SEC24A: variants seen among roughly 807,000 people sequenced by gnomAD.
SEC24A encodes the protein protein transport protein Sec24A.
A neutral mutation model predicts 129.4 loss-of-function variants in SEC24A; 93 were observed. The observed-to-expected ratio is 0.72, with a 90% CI of 0.61 to 0.85. SEC24A has a LOEUF of 0.85. Ranked by LOEUF, SEC24A falls within the 40% of genes least tolerant of loss-of-function variation. The probability of loss-of-function intolerance (pLI) is 0.00; values close to 1 mark genes in which losing one functional copy is unlikely to be tolerated. For missense variants in SEC24A, 1,264 were observed against 1,307.4 expected, an observed-to-expected ratio of 0.97 and a Z score of 0.51; for synonymous variants, 460 against 467.3, an observed-to-expected ratio of 0.98 and a Z score of 0.20.
rs558226112 is a variant in SEC24A at position 134,656,886 on chromosome 5, A to G, written c.98-4233A>G. 4.0e-5 allele frequency among the ~76,000 whole-genome samples: 6 copies of G among 151,144 alleles called. No individual in the cohort carries two copies. The South Asian group carries it at 1.3e-3, about 32-fold the overall frequency. Reference sequence around the variant, plus strand: ...AGCCTTGAACTCCTGGGCTCAAGTAATCCTTGATCCTTGATCAAGTGGGTG... The same window carrying G: ...AGCCTTGAACTCCTGGGCTCAAGTAGTCCTTGATCCTTGATCAAGTGGGTG... On this transcript the variant is annotated intron_variant, in intron 1 of 22. Coordinates refer to ENST00000398844, the MANE Select transcript of SEC24A (RefSeq NM_021982.3).
chr5:134,664,989 G>C (rs1249994939), intron 2 of SEC24A, among the ~76,000 whole-genome samples: 1 of 150,744 alleles, frequency 6.6e-6, no homozygotes, highest in Non-Finnish European at 1.5e-5. Context: ...TAGTAGAAAC[G>C]GGGTTTCACC....
chr5:134,714,930 C>T (rs1752433505), intron 18 of SEC24A, 94 bp from the exon 19 acceptor site: 1 of 1,285,976 alleles, frequency 7.8e-7, no homozygotes, highest in Non-Finnish European at 1.1e-6. Context: ...TGAATTCTCT[C>T]TGAAAATATT....
At chr5:134,657,330 T>C (rs907149429) in intron 1 of SEC24A, among the ~76,000 whole-genome samples, 1 of 151,944 alleles carries the variant, frequency 6.6e-6, no homozygotes, top group African/African-American at 2.4e-5. Context: ...ATTGCAGGCA[T>C]GAGCCACCGT....
chr5:134,649,322 C>T, intron 1 of SEC24A, 149 bp downstream of exon 1: 4 of 520,514 alleles, frequency 7.7e-6, no homozygotes, highest in Non-Finnish European at 1.4e-5. Flanking sequence ...CAGGGGACCA[C>T]GGCAGTTGTG....
intron 3 of SEC24A, among the ~76,000 whole-genome samples, chr5:134,667,512 G>A (rs576592819): frequency 3.9e-4 from 59 of 151,852 alleles, no homozygotes; most frequent in Admixed American, 2.6e-3. Context: ...TTAGCCAGGC[G>A]TGGTGGCAAG....
chr5:134,649,552 G>A (rs142659153), intron 1 of SEC24A, among the ~76,000 whole-genome samples: 83 of 152,198 alleles, frequency 5.5e-4, no homozygotes, highest in African/African-American at 2.0e-3. Flanking sequence ...ATTCTTCTGG[G>A]TTCCGCAGGC....
chr5:134,655,532 C>G (rs940078535), intron 1 of SEC24A, among the ~76,000 whole-genome samples: 6 of 151,368 alleles, frequency 4.0e-5, no homozygotes, highest in African/African-American at 1.5e-4. Context: ...GCCTGTAATC[C>G]CAGCTACTCA....
At chr5:134,714,040 A>G (rs1752408420) in intron 18 of SEC24A, among the ~76,000 whole-genome samples, 1 of 151,726 alleles carries the variant, frequency 6.6e-6, no homozygotes, top group Non-Finnish European at 1.5e-5. Context: ...AGGCTCCGTC[A>G]CAAAAAAAAA....
chr5:134,678,710 T>C (rs970394470), intron 7 of SEC24A, among the ~76,000 whole-genome samples: 4 of 151,984 alleles, frequency 2.6e-5, no homozygotes, highest in South Asian at 4.1e-4. Context: ...GCCTCCTGAG[T>C]AGCTGGGATT....
At chr5:134,675,394 G>A (rs985430822) in intron 6 of SEC24A, among the ~76,000 whole-genome samples, 177 bp downstream of exon 6, 12 of 152,158 alleles carry the variant, frequency 7.9e-5, no homozygotes, top group Admixed American at 3.3e-4. Context: ...CCTACGTCAA[G>A]AAATAGGGAT....
chr5:134,708,106 G>A (rs770788606), intron 17 of SEC24A, among the ~76,000 whole-genome samples: 1 of 152,112 alleles, frequency 6.6e-6, no homozygotes, highest in Non-Finnish European at 1.5e-5. Context: ...TCCAGCCTGG[G>A]CGACAGAGCG....
chr5:134,672,881 A>G (rs1055571965), intron 4 of SEC24A, among the ~76,000 whole-genome samples: 1 of 151,552 alleles, frequency 6.6e-6, no homozygotes, highest in African/African-American at 2.4e-5. Flanking sequence ...GACTATAGGC[A>G]TATGGTACCA....
Position 134,682,429 on chromosome 5 carries a change from A to G in SEC24A, c.1438A>G (p.Arg480Gly). Residue 480 changes from arginine (R) to glycine (G), a missense_variant, in exon 9 of 23, where the codon AGA (arginine) becomes GGA (glycine). By Grantham distance (125) the Arg-to-Gly change is moderately radical. Transcript: ENST00000398844. The stretch of plus-strand genomic sequence containing the variant: ...CAGAGTTTATGGAGAACCTCACAGA[A>G]GACCAGAAGTTCAAAATGCTACTAT... ...LTRVYGEPHR[R>G]PEVQNATIEF... 6.2e-7 allele frequency: 1 copy of G among 1,610,548 alleles called. No homozygotes were observed. Among genetic ancestry groups the G allele is most frequent in the Non-Finnish European group, 8.5e-7 (1 of 1,176,886 alleles).
chr5:134,649,271 CCTT>C, intron 1 of SEC24A, 98 bp downstream of exon 1: 1 of 866,204 alleles, frequency 1.2e-6, no homozygotes, highest in Non-Finnish European at 1.7e-6. Context: ...AGAGTGACCT[CCTT>C]ACCGGGTTCT....
chr5:134,710,814 A>T (rs1264323689), intron 18 of SEC24A, among the ~76,000 whole-genome samples: 4 of 152,184 alleles, frequency 2.6e-5, no homozygotes, highest in Admixed American at 2.6e-4. Context: ...TTGCCTCAGG[A>T]TAAACTTCCC....
At chr5:134,666,630 AAG>A (rs997741388) in intron 2 of SEC24A, among the ~76,000 whole-genome samples, 191 bp from the exon 3 acceptor site, 1 of 151,992 alleles carries the variant, frequency 6.6e-6, no homozygotes, top group Non-Finnish European at 1.5e-5. Flanking sequence ...GGAGAGAAGG[AAG>A]AGAGAGAAAT....
In SEC24A at chr5:134,727,166, C is replaced by A. The variant is rs991646820; in HGVS notation, c.*2072C>A. On this transcript the variant is annotated 3_prime_UTR_variant, in exon 23 of 23. Transcript: ENST00000398844. ...TTAGTTTGATTCTTTTTTTTTCCCC[C>A]AATAGGGCACTACCTGCCATATCAT... is the stretch of plus-strand genomic sequence containing the variant. 2.0e-5 allele frequency: 3 copies of A among 151,968 alleles called. No individual in the cohort carries two copies. Among genetic ancestry groups the A allele is most frequent in the African/African-American group, 7.3e-5 (3 of 41,284 alleles). The allele number at this position is 151,968 out of a possible 1,614,324, so 9.4% of individuals were successfully genotyped here. A position where few individuals can be genotyped will look rare whatever the true frequency, so the allele number is the denominator to read the frequency against.
chr5:134,678,826 C>T (rs922177624), intron 7 of SEC24A, among the ~76,000 whole-genome samples: 9 of 152,148 alleles, frequency 5.9e-5, no homozygotes, highest in Admixed American at 1.3e-4. Context: ...GCGTTCCACC[C>T]GCCTTGGCCT....
In SEC24A at chr5:134,726,112, T is replaced by C. The variant is rs528330420; in HGVS notation, c.*1018T>C. 1.3e-5 allele frequency: 2 copies of C among 152,650 alleles called. No homozygotes were observed. The highest frequency in any genetic ancestry group is 3.9e-4 in the East Asian group (2 of 5,190). The allele number at this position is 152,650 out of a possible 1,614,324, so 9.5% of individuals were successfully genotyped here. On this transcript the variant is annotated 3_prime_UTR_variant, in exon 23 of 23. Transcript: ENST00000398844. ...ATCTATGAAAGCATAAATGCTGCTG[T>C]TTGATTTGGTGGATATTAAGATTAT...
Sources: gnomAD v4.1 joint callset for allele counts (sites outside exome capture counted in the v4.1 genomes callset) on GRCh38, gnomAD v4.1.1 for gene constraint, MANE v1.5 for transcripts, NCBI Gene and HGNC (gene_info 2026-07-23, HGNC 2026-07-21) for gene names.